SPOCK3: variants seen among roughly 807,000 people sequenced by gnomAD.
SPOCK3 encodes SPARC (osteonectin), cwcv and kazal like domains proteoglycan 3.
A neutral mutation model predicts 56.6 loss-of-function variants in SPOCK3; 30 were observed. The observed-to-expected ratio is 0.53, with a 90% CI of 0.40 to 0.72. SPOCK3 has a LOEUF of 0.72. Among genes scored for constraint, SPOCK3 ranks in the 30% least tolerant of loss-of-function variants. The pLI is 0.00. For missense variants in SPOCK3, 527 were observed against 530.0 expected, an observed-to-expected ratio of 0.99 and a Z score of 0.06; for synonymous variants, 196 against 183.3, an observed-to-expected ratio of 1.07 and a Z score of -0.56.
At chr4:167,075,305 A>G (rs1054471787) in intron 2 of SPOCK3, among the ~76,000 whole-genome samples, 24 of 151,900 alleles carry the variant, frequency 1.6e-4, no homozygotes, top group African/African-American at 5.8e-4. Context: ...ATCAATATAT[A>G]ATTTTTCCGT....
At chr4:166,985,893 G>A (rs943552155) in intron 4 of SPOCK3, among the ~76,000 whole-genome samples, 16 of 152,038 alleles carry the variant, frequency 1.1e-4, no homozygotes, top group African/African-American at 2.2e-4. Flanking sequence ...CCAAACAAAC[G>A]TAACAGATAA....
At chr4:167,057,357 G>A (rs988485019) in intron 3 of SPOCK3, among the ~76,000 whole-genome samples, 11 of 152,112 alleles carry the variant, frequency 7.2e-5, no homozygotes, top group African/African-American at 1.4e-4. Context: ...GACCATCGAG[G>A]CTAGGAAGAA....
intron 7 of SPOCK3, among the ~76,000 whole-genome samples, chr4:166,779,615 A>G (rs780571994): frequency 2.2e-4 from 33 of 152,098 alleles, no homozygotes; most frequent in Admixed American, 2.0e-4. Context: ...ACTAAATAGA[A>G]CCTCAGGGAA....
At chr4:166,908,037 T>G (rs1453349010) in intron 5 of SPOCK3, among the ~76,000 whole-genome samples, 1 of 151,954 alleles carries the variant, frequency 6.6e-6, no homozygotes, top group Non-Finnish European at 1.5e-5. Context: ...TACTAAAAAG[T>G]ATAACATACC....
intron 4 of SPOCK3, among the ~76,000 whole-genome samples, chr4:166,968,853 A>G (rs1745046855): frequency 6.6e-6 from 1 of 152,160 alleles, no homozygotes. Context: ...AGCTTGCACC[A>G]TGCACCTAGA....
intron 2 of SPOCK3, among the ~76,000 whole-genome samples, chr4:167,123,582 G>A (rs981371163): frequency 2.0e-5 from 3 of 151,858 alleles, no homozygotes; most frequent in Non-Finnish European, 4.4e-5. Context: ...CATGGTTCTA[G>A]GTTTGACTGT....
chr4:166,972,554 TAAGATTA>T, intron 4 of SPOCK3, among the ~76,000 whole-genome samples: 1 of 151,076 alleles, frequency 6.6e-6, no homozygotes, highest in Admixed American at 6.6e-5. Flanking sequence ...CGATAGCTCT[TAAGATTA>T]TTAAAACACA....
intron 2 of SPOCK3, among the ~76,000 whole-genome samples, chr4:167,126,086 A>G (rs1472447629): frequency 2.0e-5 from 3 of 152,218 alleles, no homozygotes; most frequent in Admixed American, 2.0e-4. Flanking sequence ...AGGTTACTAT[A>G]CACCCAGCTT....
intron 4 of SPOCK3, among the ~76,000 whole-genome samples, chr4:166,955,901 T>C (rs1255922433): frequency 6.6e-6 from 1 of 151,874 alleles, no homozygotes; most frequent in African/African-American, 2.4e-5. Flanking sequence ...GCGTTCATTT[T>C]TGAATCTCAC....
intron 2 of SPOCK3, among the ~76,000 whole-genome samples, chr4:167,143,207 A>C (rs1402242101): frequency 1.3e-5 from 2 of 152,128 alleles, no homozygotes; most frequent in African/African-American, 4.8e-5. Context: ...GGTTCTGTCC[A>C]ATAGACCACA....
chr4:167,231,600 GC>G (rs1178755713), intron 2 of SPOCK3, among the ~76,000 whole-genome samples: 1 of 152,060 alleles, frequency 6.6e-6, no homozygotes, highest in East Asian at 1.9e-4. Flanking sequence ...TGTGCTTCCA[GC>G]TGAAAACCAA....
chr4:166,815,282 C>A (rs1485832689), intron 6 of SPOCK3, among the ~76,000 whole-genome samples: 1 of 150,386 alleles, frequency 6.6e-6, no homozygotes, highest in East Asian at 2.0e-4. Context: ...AAAAAAAAGA[C>A]CTATGACCAC....
intron 3 of SPOCK3, among the ~76,000 whole-genome samples, chr4:167,025,635 C>T (rs1751628501): frequency 6.6e-6 from 1 of 152,032 alleles, no homozygotes; most frequent in Non-Finnish European, 1.5e-5. Flanking sequence ...CCAAGAACTT[C>T]AGACCAAGAG....
intron 4 of SPOCK3, among the ~76,000 whole-genome samples, chr4:166,925,380 AG>A (rs889275694): frequency 5.9e-5 from 9 of 152,086 alleles, no homozygotes; most frequent in Middle Eastern, 3.2e-3. Flanking sequence ...ACAAAATAGA[AG>A]AAAAAACGTA....
At chr4:167,118,262 C>A (rs1229471869) in intron 2 of SPOCK3, among the ~76,000 whole-genome samples, 2 of 152,120 alleles carry the variant, frequency 1.3e-5, no homozygotes, top group Non-Finnish European at 2.9e-5. Context: ...GCTTATAGAA[C>A]ATAATGAGAA....
At chr4:166,991,641 A>T (rs1747803503) in intron 4 of SPOCK3, among the ~76,000 whole-genome samples, 2 of 152,118 alleles carry the variant, frequency 1.3e-5, no homozygotes, top group African/African-American at 2.4e-5. Context: ...AAGTGCTGGG[A>T]TTACAGGCAT....
intron 7 of SPOCK3, among the ~76,000 whole-genome samples, chr4:166,775,377 G>A (rs920815257): frequency 5.9e-5 from 9 of 152,062 alleles, no homozygotes; most frequent in Non-Finnish European, 1.2e-4. Flanking sequence ...GATCTGATCC[G>A]CTGAAATAAT....
At chr4:167,168,159 G>A (rs932607746) in intron 2 of SPOCK3, among the ~76,000 whole-genome samples, 2 of 152,072 alleles carry the variant, frequency 1.3e-5, no homozygotes, top group African/African-American at 2.4e-5. Flanking sequence ...ACCCAGTCTT[G>A]GGTATGCCTT....
rs185142640 is a variant in SPOCK3, at chr4:167,076,426, G to A, written c.190-13889C>T. Among the ~76,000 whole-genome samples, 22 of 151,646 alleles carry A rather than the reference G, an allele frequency of 1.5e-4. No homozygotes were observed. In the South Asian group the frequency reaches 2.7e-3, roughly 19 times the overall value. On this transcript the variant is annotated intron_variant, in intron 2 of 10. Coordinates refer to ENST00000357545, the MANE Select transcript of SPOCK3 (RefSeq NM_001040159.2). Reference sequence around the variant, plus strand: ...TATGTGGGAAAACTCTGTACCTTCTGCTTGCTCGATATTGCTAGGAACCTA... The same window carrying A: ...TATGTGGGAAAACTCTGTACCTTCTACTTGCTCGATATTGCTAGGAACCTA...
Sources: gnomAD v4.1 joint callset for allele counts (sites outside exome capture counted in the v4.1 genomes callset) on GRCh38, gnomAD v4.1.1 for gene constraint, MANE v1.5 for transcripts, NCBI Gene and HGNC (gene_info 2026-07-23, HGNC 2026-07-21) for gene names.